Variants in MAML1 observed in about 807,000 individuals in gnomAD.
MAML1 encodes the protein mastermind like transcriptional coactivator 1.
A neutral mutation model predicts 77.1 loss-of-function variants in MAML1; 14 were observed. The observed-to-expected ratio is 0.18, with a 90% CI of 0.12 to 0.28. MAML1 has a LOEUF of 0.28. MAML1 is among the 10% of genes least tolerant of loss of function. MAML1 has a pLI of 1.00. For synonymous variants in MAML1, 516 were observed against 551.9 expected (o/e 0.93, Z 0.91); for missense variants, 1,217 against 1,327.8 (o/e 0.92, Z 1.30).
Position 179,774,752 on chromosome 5 carries a change from G to T in MAML1, c.2926G>T (p.Gly976Trp), listed in dbSNP as rs979802336. ...CCAGGAGCTGCCTTTTGCCTATAGC[G>T]GGCAGCCAGGTGGCAGTGGGCTCTC... is the stretch of plus-strand genomic sequence containing the variant. ...AGQELPFAYS[G>W]QPGGSGLSSV... The change falls in exon 5 of 5, where the codon GGG becomes TGG. Residue 976 changes from glycine (G) to tryptophan (W), a missense_variant. Gly to Trp is a radical substitution (Grantham distance 184). This residue lies in a region of MAML1 where 884 missense variants were observed against 949.3 expected (regional missense o/e 0.93). Coordinates refer to ENST00000292599, the MANE Select transcript of MAML1 (RefSeq NM_014757.5). The T allele has an allele frequency of 6.2e-7, 1 of 1,613,034 alleles. No homozygotes were observed. The highest frequency in any genetic ancestry group is 1.1e-5 in the South Asian group (1 of 91,090).
chr5:179,738,956 C>G (rs1779225947), intron 1 of MAML1, among the ~76,000 whole-genome samples: 1 of 92,810 alleles, frequency 1.1e-5, no homozygotes, highest in South Asian at 3.0e-4. Context: ...TCATTGGCAT[C>G]TTAGTCATCA....
chr5:179,768,759 T>C, intron 2 of MAML1, 91 bp from the exon 3 acceptor site: 1 of 1,512,198 alleles, frequency 6.6e-7, no homozygotes, highest in East Asian at 2.3e-5. Context: ...GAGACTTGGC[T>C]TCAAGAGAGT....
At position 179,776,540 on chromosome 5, in the gene MAML1, C is replaced by T. The variant is rs1009443776; in HGVS notation, c.*1663C>T. The T allele has an allele frequency of 3.0e-6, 3 of 985,592 alleles. No individual in the cohort carries two copies. Among genetic ancestry groups the T allele is most frequent in the East Asian group, 2.3e-4 (2 of 8,828 alleles). The allele number at this position is 985,592 out of a possible 1,614,324, so 61.1% of individuals were successfully genotyped here. On this transcript the variant is annotated 3_prime_UTR_variant, in exon 5 of 5. Transcript: ENST00000292599. The stretch of plus-strand genomic sequence containing the variant: ...CCTTTCCCATGTACTCAGTTTAGCT[C>T]TCAAAGAAGGGGTGAATCATAAAGC...
chr5:179,757,512 G>T (rs35433108), intron 1 of MAML1, among the ~76,000 whole-genome samples: 12,943 of 152,010 alleles, frequency 0.085, 763 homozygotes, highest in Admixed American at 0.17. Context: ...AGGTTGCAGT[G>T]AGCCGGCATG....
intron 4 of MAML1, 194 bp from the exon 5 acceptor site, chr5:179,773,701 G>A (rs1756056871): frequency 9.2e-6 from 9 of 979,004 alleles, no homozygotes; most frequent in Admixed American, 6.1e-5. Context: ...CCCTTCCTCT[G>A]TGCCTTTCTG....
At chr5:179,750,707 T>C (rs779919422) in intron 1 of MAML1, among the ~76,000 whole-genome samples, 16 of 152,154 alleles carry the variant, frequency 1.1e-4, no homozygotes, top group Non-Finnish European at 1.9e-4. Flanking sequence ...AGCAATCCGC[T>C]TGCCTGGGAC....
intron 1 of MAML1, among the ~76,000 whole-genome samples, chr5:179,753,016 G>T (rs1399632629): frequency 2.0e-5 from 3 of 152,048 alleles, no homozygotes; most frequent in Non-Finnish European, 4.4e-5. Context: ...CAGGTGATCC[G>T]CCCGTCTTGG....
At chr5:179,760,782 G>C (rs1779709277) in intron 1 of MAML1, among the ~76,000 whole-genome samples, 1 of 152,108 alleles carries the variant, frequency 6.6e-6, no homozygotes, top group Admixed American at 6.5e-5. Context: ...AAGTGGTAAA[G>C]AAAAAGGGAA....
At chr5:179,751,037 G>T (rs1005946924) in intron 1 of MAML1, among the ~76,000 whole-genome samples, 1 of 152,132 alleles carries the variant, frequency 6.6e-6, no homozygotes, top group African/African-American at 2.4e-5. Context: ...GCAGTGGCAC[G>T]ATCTTGGCTC....
chr5:179,748,870 T>C (rs923672934), intron 1 of MAML1, among the ~76,000 whole-genome samples: 1 of 152,012 alleles, frequency 6.6e-6, no homozygotes, highest in Non-Finnish European at 1.5e-5. Flanking sequence ...TTCAAAATTC[T>C]GAAGGAAAGT....
In MAML1 at chr5:179,761,568, G is replaced by T. The variant is rs143742453; in HGVS notation, c.316-3758G>T. Among the ~76,000 whole-genome samples, 82 of 152,178 alleles carry T rather than the reference G, an allele frequency of 5.4e-4. No individual in the cohort carries two copies. In the East Asian group the frequency reaches 0.016, roughly 29 times the overall value. On this transcript the variant is annotated intron_variant, in intron 1 of 4. Transcript: ENST00000292599. ...AAATTAGCTGGACATGGTGGTGCAC[G>T]CCTGTAATCCCCGCTGCTCGAGAGA...
chr5:179,741,674 A>G (rs997214417), intron 1 of MAML1, among the ~76,000 whole-genome samples: 6 of 133,448 alleles, frequency 4.5e-5, no homozygotes, highest in Non-Finnish European at 6.4e-5. Context: ...TGGCAGAGCG[A>G]GACTGTCTCA....
At position 179,774,493 on chromosome 5, in the gene MAML1, C is replaced by T. The variant is rs1756085519; in HGVS notation, c.2667C>T (p.Pro889=). 1 of 1,613,292 alleles carries T rather than the reference C, an allele frequency of 6.2e-7. No homozygotes were observed. Residue 889 remains proline, a synonymous_variant, in exon 5 of 5, where the codon CCC becomes CCT. Coordinates refer to ENST00000292599, the MANE Select transcript of MAML1 (RefSeq NM_014757.5). ...TCTCCCAGGCAGTGCCCAACAGGCC[C>T]ATGGCTCCCATGAGCTCAGCAGCTG... The part of the protein sequence containing the change: ...PQFSQAVPNR[P]MAPMSSAAAV...
chr5:179,753,507 G>A (rs566687651), intron 1 of MAML1, among the ~76,000 whole-genome samples: 1 of 152,236 alleles, frequency 6.6e-6, no homozygotes, highest in East Asian at 1.9e-4. Flanking sequence ...GGTCAAAGGA[G>A]TTTGAGGAGT....
chr5:179,744,568 ACT>A (rs56853110), intron 1 of MAML1, among the ~76,000 whole-genome samples: 1,514 of 145,386 alleles, frequency 0.01, 33 homozygotes, highest in African/African-American at 0.036. Flanking sequence ...ACGGAGTCTC[ACT>A]CTGTCTCCCA....
Position 179,771,088 on chromosome 5 carries a change from C to A in MAML1, c.1972-59C>A. On this transcript the variant is annotated intron_variant, in intron 3 of 4. Coordinates refer to ENST00000292599, the MANE Select transcript of MAML1 (RefSeq NM_014757.5). The surrounding 1 kb of genome is among the most constrained non-coding windows in gnomAD (Gnocchi z 4.7). Reference sequence around the variant, plus strand: ...TACTTTTCTCTGACCTCCCTCACTCCCTTTGTTTTGGATTTTGTTATATGT... The same window carrying A: ...TACTTTTCTCTGACCTCCCTCACTCACTTTGTTTTGGATTTTGTTATATGT... 5 of 1,335,674 alleles carry A rather than the reference C, an allele frequency of 3.7e-6. No individual in the cohort carries two copies. The highest frequency in any genetic ancestry group is 5.4e-6 in the Non-Finnish European group (5 of 926,758). The allele number at this position is 1,335,674 out of a possible 1,614,324, so 82.7% of individuals were successfully genotyped here.
intron 1 of MAML1, among the ~76,000 whole-genome samples, chr5:179,744,559 C>T (rs1282665779): frequency 2.0e-5 from 3 of 148,200 alleles, no homozygotes; most frequent in Non-Finnish European, 1.5e-5. Context: ...TTTTTTTAGA[C>T]GGAGTCTCAC....
At chr5:179,755,198 C>G (rs951211138) in intron 1 of MAML1, among the ~76,000 whole-genome samples, 1 of 152,206 alleles carries the variant, frequency 6.6e-6, no homozygotes, top group African/African-American at 2.4e-5. Flanking sequence ...CCGAACAGCA[C>G]TTAGCCTGTA....
chr5:179,735,640 C>G lies in MAML1; in HGVS notation c.315+2213C>G, dbSNP rs1479860182. 3.3e-5 allele frequency among the ~76,000 whole-genome samples: 5 copies of G among 152,128 alleles called. No individual in the cohort carries two copies. The East Asian group carries it at 9.7e-4, about 29-fold the overall frequency. On this transcript the variant is annotated intron_variant, in intron 1 of 4. Coordinates refer to ENST00000292599, the MANE Select transcript of MAML1 (RefSeq NM_014757.5). Reference sequence around the variant, plus strand: ...TCCTGACCTCAGATAATCCACCCACCTCGGCCTCCCAAAGTGCTGGGATTA... The same window carrying G: ...TCCTGACCTCAGATAATCCACCCACGTCGGCCTCCCAAAGTGCTGGGATTA...
Sources: gnomAD v4.1 joint callset for allele counts (sites outside exome capture counted in the v4.1 genomes callset) on GRCh38, gnomAD v4.1.1 for gene constraint, gnomAD v4.1.1 regional missense constraint, Gnocchi (gnomAD v3.1) non-coding constraint, MANE v1.5 for transcripts, NCBI Gene and HGNC (gene_info 2026-07-23, HGNC 2026-07-21) for gene names.